RNGTT: variants seen among roughly 807,000 people sequenced by gnomAD.
RNGTT encodes mRNA-capping enzyme.
In RNGTT, 33 loss-of-function variants were observed where a neutral mutation model predicts 79.3. The ratio of observed to expected loss-of-function variants is 0.42; its 90% CI spans 0.32 to 0.56. The LOEUF (loss-of-function observed/expected upper bound fraction) is 0.56. Ranked by LOEUF, RNGTT falls within the 20% of genes least tolerant of loss-of-function variation. The probability of loss-of-function intolerance (pLI) is 0.17; values close to 1 mark genes in which losing one functional copy is unlikely to be tolerated. For synonymous variants in RNGTT, 222 were observed against 235.9 expected, an observed-to-expected ratio of 0.94 and a Z score of 0.54; for missense variants, 497 against 739.1, an observed-to-expected ratio of 0.67 and a Z score of 3.80.
rs756071830 is a variant in RNGTT at position 88,963,371 on chromosome 6, A to G, written c.39T>C (p.Cys13=). ...CTGCCACCGGCTGGCCGCGCCGGGGACAGTTCAGCCACCGCGGCGGGATCT... is the reference window on the plus strand; with the variant it reads ...CTGCCACCGGCTGGCCGCGCCGGGGGCAGTTCAGCCACCGCGGCGGGATCT... ...HNKIPPRWLN[C]PRRGQPVAGR... is the part of the protein sequence containing the mutation. The change falls in exon 1 of 16, where the codon TGT becomes TGC. Residue 13 remains cysteine, a synonymous_variant. Transcript: ENST00000369485. The G allele has an allele frequency of 3.2e-5, 52 of 1,610,716 alleles. No individual in the cohort carries two copies. Among genetic ancestry groups the G allele is most frequent in the Non-Finnish European group, 4.0e-5 (47 of 1,178,620 alleles).
chr6:88,757,933 C>T (rs1366801992), intron 13 of RNGTT, among the ~76,000 whole-genome samples: 1 of 152,178 alleles, frequency 6.6e-6, no homozygotes, highest in Non-Finnish European at 1.5e-5. Context: ...AAGTAACAGT[C>T]TTAGGCAATC....
At chr6:88,698,258 TA>T (rs1775805565) in intron 13 of RNGTT, among the ~76,000 whole-genome samples, 1 of 93,506 alleles carries the variant, frequency 1.1e-5, no homozygotes, top group Non-Finnish European at 1.7e-5. Context: ...AATATATATA[TA>T]AATATATATG....
intron 13 of RNGTT, among the ~76,000 whole-genome samples, chr6:88,699,512 C>T (rs1324373537): frequency 6.6e-6 from 1 of 151,876 alleles, no homozygotes; most frequent in African/African-American, 2.4e-5. Context: ...AGTGAGACCT[C>T]GTCTCTACAA....
rs9444646 is a variant in RNGTT, at chr6:88,799,527, C to T, written c.1338+2037G>A. Among the ~76,000 whole-genome samples, 1,174 of 151,782 alleles carry T rather than the reference C, an allele frequency of 7.7e-3. 8 individuals are homozygous for T. Among genetic ancestry groups the T allele is most frequent in the African/African-American group, 0.026 (1,082 of 41,364 alleles). ...CAGCCTGGCTAACATGGTGAAACTC[C>T]GTTTCTACTAAAAATACAAAAAATT... On this transcript the variant is annotated intron_variant, in intron 12 of 15. Transcript: ENST00000369485.
At chr6:88,617,551 C>T (rs945395799) in intron 14 of RNGTT, among the ~76,000 whole-genome samples, 1 of 152,154 alleles carries the variant, frequency 6.6e-6, no homozygotes, top group Non-Finnish European at 1.5e-5. Flanking sequence ...GTATCTCTAT[C>T]TTTATGCCAG....
At chr6:88,632,488 T>C (rs565919562) in intron 14 of RNGTT, among the ~76,000 whole-genome samples, 1 of 151,880 alleles carries the variant, frequency 6.6e-6, no homozygotes, top group East Asian at 1.9e-4. Flanking sequence ...ATCCAGTTTA[T>C]CTAATGCAAG....
At chr6:88,865,210 A>G (rs1433498811) in intron 8 of RNGTT, among the ~76,000 whole-genome samples, 2 of 152,092 alleles carry the variant, frequency 1.3e-5, no homozygotes, top group East Asian at 1.9e-4. Context: ...TATTATGTCC[A>G]AGGCACAGAG....
intron 14 of RNGTT, among the ~76,000 whole-genome samples, chr6:88,660,549 TA>T (rs139978224): frequency 2.8e-5 from 4 of 144,274 alleles, no homozygotes; most frequent in Non-Finnish European, 3.0e-5. Context: ...GCAACAATGG[TA>T]AAAAAAAAGA....
intron 13 of RNGTT, among the ~76,000 whole-genome samples, chr6:88,741,234 G>A (rs1777479112): frequency 6.6e-6 from 1 of 152,038 alleles, no homozygotes; most frequent in South Asian, 2.1e-4. Flanking sequence ...AGAAAATGTG[G>A]TACACATACA....
intron 13 of RNGTT, among the ~76,000 whole-genome samples, chr6:88,733,437 C>G (rs111667837): frequency 0.016 from 2,334 of 146,878 alleles, 18 homozygotes; most frequent in Middle Eastern, 0.028. Context: ...TAGCATATTC[C>G]AAGAACTGTG....
chr6:88,836,784 C>G (rs1299000010), intron 11 of RNGTT, among the ~76,000 whole-genome samples: 2 of 151,594 alleles, frequency 1.3e-5, no homozygotes, highest in Non-Finnish European at 2.9e-5. Context: ...AGGAAAAGAG[C>G]AGAAATAAAA....
intron 14 of RNGTT, among the ~76,000 whole-genome samples, chr6:88,628,447 A>G (rs536997936): frequency 6.6e-6 from 1 of 152,180 alleles, no homozygotes; most frequent in African/African-American, 2.4e-5. Context: ...ATTGGTGTGT[A>G]TGTGTGAACA....
At chr6:88,822,666 G>A (rs371602540) in intron 11 of RNGTT, among the ~76,000 whole-genome samples, 4 of 152,078 alleles carry the variant, frequency 2.6e-5, no homozygotes, top group East Asian at 1.9e-4. Context: ...CCATTCCGTC[G>A]TTCCAGGCAT....
intron 13 of RNGTT, among the ~76,000 whole-genome samples, chr6:88,723,639 T>C (rs774723612): frequency 2.0e-5 from 3 of 152,160 alleles, no homozygotes; most frequent in Admixed American, 6.5e-5. Flanking sequence ...GCATTAAAAA[T>C]TAAAAATTTT....
At chr6:88,653,398 A>G (rs1413683756) in intron 14 of RNGTT, among the ~76,000 whole-genome samples, 3 of 152,224 alleles carry the variant, frequency 2.0e-5, no homozygotes, top group Non-Finnish European at 4.4e-5. Flanking sequence ...CAAAATGTCT[A>G]GCTCAAAAGT....
intron 13 of RNGTT, among the ~76,000 whole-genome samples, chr6:88,753,049 CT>C (rs1777890758): frequency 6.6e-6 from 1 of 151,940 alleles, no homozygotes; most frequent in Admixed American, 6.6e-5. Flanking sequence ...TTCAAATTAA[CT>C]TTTAAAAAAA....
chr6:88,737,235 A>G (rs1777317399), intron 13 of RNGTT, among the ~76,000 whole-genome samples: 1 of 152,160 alleles, frequency 6.6e-6, no homozygotes, highest in Admixed American at 6.5e-5. Flanking sequence ...CCTTCTTAGA[A>G]TGGGAATGTT....
At chr6:88,951,314 A>G (rs1311861639) in intron 1 of RNGTT, among the ~76,000 whole-genome samples, 1 of 152,218 alleles carries the variant, frequency 6.6e-6, no homozygotes, top group Admixed American at 6.5e-5. Flanking sequence ...ATATTGCTGA[A>G]GTGACAACAA....
rs544463462 is a variant in RNGTT, at chr6:88,742,735, T to C, written c.1439+27039A>G. Among the ~76,000 whole-genome samples the C allele has an allele frequency of 2.7e-3, 413 of 152,330 alleles. 2 individuals are homozygous for C. Among genetic ancestry groups the C allele is most frequent in the Middle Eastern group, 0.01 (3 of 294 alleles). ...TAGATTACATTACAATAGCTAACTG[T>C]TGAAGTTTGGCAGCATTCACTTAAA... On this transcript the variant is annotated intron_variant, in intron 13 of 15. Coordinates refer to ENST00000369485, the MANE Select transcript of RNGTT (RefSeq NM_003800.5).
Sources: gnomAD v4.1 joint callset for allele counts (sites outside exome capture counted in the v4.1 genomes callset) on GRCh38, gnomAD v4.1.1 for gene constraint, MANE v1.5 for transcripts, NCBI Gene and HGNC (gene_info 2026-07-23, HGNC 2026-07-21) for gene names.